DMD: variants seen among roughly 807,000 people sequenced by gnomAD.
The protein encoded by DMD is dystrophin, also known as mutant dystrophin.
DMD carries 63 observed loss-of-function variants against 330.1 expected under a neutral mutation model. The ratio of observed to expected loss-of-function variants is 0.19; its 90% CI spans 0.16 to 0.24. The LOEUF is 0.24. Ranked by LOEUF, DMD falls within the 10% of genes least tolerant of loss-of-function variation. The pLI, the probability that DMD is intolerant of heterozygous loss-of-function variation, is 1.00. For synonymous variants in DMD, 1,223 were observed against 959.8 expected (o/e 1.27, Z -5.07); for missense variants, 3,344 against 2,684.1 (o/e 1.25, Z -5.43).
chrX:32,500,845 C>A (rs1192289777), intron 19 of DMD, among the ~76,000 whole-genome samples: 1 of 111,522 alleles, frequency 9.0e-6, no homozygotes, highest in East Asian at 2.8e-4. Context: ...CTTTTGAATG[C>A]CAAATTTGCA....
chrX:32,566,359 G>C (rs1432200957), intron 15 of DMD, among the ~76,000 whole-genome samples: 2 of 111,982 alleles, frequency 1.8e-5, no homozygotes, highest in African/African-American at 6.5e-5. Context: ...ATTCTGAAAT[G>C]CTGTGATTAT....
chrX:32,031,145 G>A (rs2095879751), intron 44 of DMD, among the ~76,000 whole-genome samples: 1 of 71,467 alleles, frequency 1.4e-5, no homozygotes, highest in Non-Finnish European at 3.0e-5. Flanking sequence ...GTTCAATCAG[G>A]GGGTCCTGCT....
intron 2 of DMD, among the ~76,000 whole-genome samples, chrX:32,914,912 A>AT (rs1170501301): frequency 5.7e-4 from 61 of 107,862 alleles, no homozygotes; most frequent in African/African-American, 1.6e-3. Flanking sequence ...TATTGTCCCC[A>AT]TTTTTTTTTT....
intron 74 of DMD, among the ~76,000 whole-genome samples, chrX:31,166,180 A>C (rs2039398402): frequency 8.9e-6 from 1 of 112,262 alleles, no homozygotes; most frequent in Admixed American, 9.4e-5. Context: ...TAATGCATTC[A>C]ACAAATATTT....
At chrX:33,236,326 G>T (rs770128429) in intron 1 of DMD, among the ~76,000 whole-genome samples, 1 of 105,251 alleles carries the variant, frequency 9.5e-6, no homozygotes, top group Non-Finnish European at 1.9e-5. Context: ...GTGCAATGGC[G>T]CGATCTCGGC....
intron 29 of DMD, among the ~76,000 whole-genome samples, chrX:32,429,295 C>T (rs765364587): frequency 3.1e-5 from 3 of 97,785 alleles, no homozygotes; most frequent in African/African-American, 7.6e-5. Flanking sequence ...CTGCAACTTC[C>T]GTTCCCTGGG....
intron 1 of DMD, among the ~76,000 whole-genome samples, chrX:33,181,978 A>G (rs1463977072): frequency 8.9e-6 from 1 of 111,886 alleles, no homozygotes; most frequent in African/African-American, 3.3e-5. Context: ...CCACCTTTAT[A>G]TGAACCAGAA....
intron 44 of DMD, among the ~76,000 whole-genome samples, chrX:32,088,477 A>G (rs2096454601): frequency 9.5e-6 from 1 of 105,589 alleles, no homozygotes; most frequent in Non-Finnish European, 1.9e-5. Context: ...CAGAGGACAG[A>G]GGCTGTTCTA....
chrX:32,130,442 C>T (rs1406327063), intron 44 of DMD, among the ~76,000 whole-genome samples: 2 of 111,621 alleles, frequency 1.8e-5, no homozygotes, highest in Non-Finnish European at 3.8e-5. Context: ...ATAATGCACA[C>T]TCCATCCAAG....
intron 44 of DMD, among the ~76,000 whole-genome samples, chrX:31,996,750 C>T (rs771423457): frequency 9.0e-6 from 1 of 110,705 alleles, no homozygotes; most frequent in South Asian, 3.8e-4. Flanking sequence ...GGCATATAAC[C>T]GGTCCAAAAC....
At chrX:32,639,547 T>A (rs1051632582) in intron 11 of DMD, among the ~76,000 whole-genome samples, 1 of 112,595 alleles carries the variant, frequency 8.9e-6, no homozygotes, top group African/African-American at 3.2e-5. Context: ...CGTGCCAAAC[T>A]CATTTGTGAC....
chrX:31,345,191 G>A (rs946252052), intron 61 of DMD, among the ~76,000 whole-genome samples: 2 of 111,916 alleles, frequency 1.8e-5, no homozygotes, highest in African/African-American at 3.2e-5. Context: ...GACTTCCGGG[G>A]CTGGCTCCAT....
chrX:33,329,509 G>A (rs1026406858), intron 1 of DMD, among the ~76,000 whole-genome samples: 3 of 111,971 alleles, frequency 2.7e-5, no homozygotes, highest in African/African-American at 9.7e-5. Context: ...CAATTTAAAT[G>A]TTCATCCAGA....
At chrX:33,018,924 A>G (rs2093859084) in intron 2 of DMD, among the ~76,000 whole-genome samples, 1 of 112,092 alleles carries the variant, frequency 8.9e-6, no homozygotes, top group Non-Finnish European at 1.9e-5. Flanking sequence ...AAACGTTTTT[A>G]AAATACATGT....
intron 7 of DMD, among the ~76,000 whole-genome samples, chrX:32,771,655 AT>A (rs1317200881): frequency 1.8e-5 from 2 of 111,505 alleles, no homozygotes; most frequent in Non-Finnish European, 1.9e-5. Flanking sequence ...AATTGGTTAA[AT>A]ATAACTAAAT....
At chrX:31,552,492 G>A (rs1363969132) in intron 55 of DMD, among the ~76,000 whole-genome samples, 1 of 111,586 alleles carries the variant, frequency 9.0e-6, no homozygotes, top group African/African-American at 3.3e-5. Context: ...TTCTTACCAG[G>A]CAGACAGAGA....
intron 54 of DMD, among the ~76,000 whole-genome samples, chrX:31,637,292 G>C (rs182305119): frequency 3.0e-4 from 33 of 111,674 alleles, no homozygotes; most frequent in African/African-American, 1.1e-3. Context: ...AAAGTTTCTT[G>C]CTTTCGTACT....
chrX:32,201,465 AAAC>A (rs201568589), intron 44 of DMD, among the ~76,000 whole-genome samples: 85 of 68,769 alleles, frequency 1.2e-3, no homozygotes, highest in African/African-American at 6.0e-3. Flanking sequence ...ATGCAAATTC[AAAC>A]ACCCCCCCCC....
intron 2 of DMD, among the ~76,000 whole-genome samples, chrX:32,858,334 T>G (rs905519307): frequency 8.9e-6 from 1 of 112,008 alleles, no homozygotes; most frequent in Non-Finnish European, 1.9e-5. Context: ...ACTATTTATT[T>G]ATCATTTATT....
Sources: gnomAD v4.1 joint callset for allele counts (sites outside exome capture counted in the v4.1 genomes callset) on GRCh38, gnomAD v4.1.1 for gene constraint, MANE v1.5 for transcripts, NCBI Gene and HGNC (gene_info 2026-07-23, HGNC 2026-07-21) for gene names.